FUT8: variants seen among roughly 807,000 people sequenced by gnomAD.
The protein encoded by FUT8 is alpha-(1,6)-fucosyltransferase.
Under a neutral mutation model 71.3 loss-of-function variants are expected in FUT8, and 29 were observed. That is an observed-to-expected ratio of 0.41 (90% CI 0.30 to 0.55). The LOEUF is 0.55. Ranked by LOEUF, FUT8 falls within the 20% of genes least tolerant of loss-of-function variation. FUT8 has a pLI of 0.34. For synonymous variants in FUT8, 254 were observed against 239.3 expected, an observed-to-expected ratio of 1.06 and a Z score of -0.57; for missense variants, 544 against 702.1, an observed-to-expected ratio of 0.77 and a Z score of 2.55.
the FUT8 span, among the ~76,000 whole-genome samples, chr14:65,395,782 G>T: frequency 6.6e-6 from 1 of 152,250 alleles, no homozygotes; most frequent in South Asian, 2.1e-4. Flanking sequence ...TCTGCAGCCA[G>T]CTTGAATTTC....
In FUT8 at chr14:65,483,216, CTG is replaced by C. The variant is rs1357253930; in HGVS notation, c.-228+27502_-228+27503del. Among the ~76,000 whole-genome samples the C allele has an allele frequency of 1.3e-5, 2 of 152,202 alleles. No individual in the cohort carries two copies. Among genetic ancestry groups the C allele is most frequent in the African/African-American group, 4.8e-5 (2 of 41,450 alleles). ...ACTTCCGTGCTATTCAGTGAGAGGA[CTG>C]TGTTCTCTCCAACAAGGTCTGGATC... On this transcript the variant is annotated intron_variant, in intron 2 of 10. Transcript: ENST00000673929. This position sits in a 1 kb window ranked among gnomAD's most constrained non-coding sequence, Gnocchi z 4.4.
chr14:65,714,596 T>C (rs535915389), intron 7 of FUT8, among the ~76,000 whole-genome samples: 1 of 150,346 alleles, frequency 6.7e-6, no homozygotes, highest in Non-Finnish European at 1.5e-5. Flanking sequence ...AGTTTTAGGA[T>C]TTTTTTTTTC....
intron 1 of FUT8, among the ~76,000 whole-genome samples, chr14:65,445,311 T>G (rs745914126): frequency 2.0e-5 from 3 of 152,242 alleles, no homozygotes; most frequent in Admixed American, 6.5e-5. Context: ...CATGAGTGTT[T>G]ACAGCCAGAA....
rs1052249531 is a variant in FUT8 at position 65,587,203 on chromosome 14, C to CA, written c.203+25445dup. Among the ~76,000 whole-genome samples, 318 of 145,936 alleles carry CA rather than the reference C, an allele frequency of 2.2e-3. 2 individuals carry two copies. Among genetic ancestry groups the CA allele is most frequent in the African/African-American group, 7.0e-3 (280 of 39,914 alleles). On this transcript the variant is annotated intron_variant, in intron 3 of 10. Transcript: ENST00000673929. Reference sequence around the variant, plus strand: ...GACTCTGTCTCAAAAAAAAAAAAAACAAAAAAAACTAATTTTTACAAAAAT... The same window carrying CA: ...GACTCTGTCTCAAAAAAAAAAAAAACAAAAAAAAACTAATTTTTACAAAAAT...
At position 65,562,596 on chromosome 14, in the gene FUT8, C is replaced by T. The variant is rs140612355; in HGVS notation, c.203+830C>T. 2.6e-5 allele frequency among the ~76,000 whole-genome samples: 4 copies of T among 152,038 alleles called. No homozygotes were observed. In the East Asian group the frequency reaches 5.8e-4, roughly 22 times the overall value. On this transcript the variant is annotated intron_variant, in intron 3 of 10. Coordinates refer to ENST00000673929, the MANE Select transcript of FUT8 (RefSeq NM_001371533.1). ...AAAACATTACCTAGTATCTTATATGCGAAGATGATCATGTAGTACTCACTC... is the reference window on the plus strand; with the variant it reads ...AAAACATTACCTAGTATCTTATATGTGAAGATGATCATGTAGTACTCACTC...
At chr14:65,680,753 C>G (rs1304313060) in intron 7 of FUT8, among the ~76,000 whole-genome samples, 2 of 152,176 alleles carry the variant, frequency 1.3e-5, no homozygotes, top group African/African-American at 2.4e-5. Context: ...TCTTTTTAAT[C>G]TGTCTTCCAC....
intron 7 of FUT8, among the ~76,000 whole-genome samples, chr14:65,720,186 T>C (rs1895341711): frequency 1.3e-5 from 2 of 152,162 alleles, no homozygotes; most frequent in Non-Finnish European, 1.5e-5. Flanking sequence ...TAAGGCAAAG[T>C]GCTTCCCACT....
At chr14:65,412,195 G>T (rs775545817), upstream of FUT8, 14 of 456,764 alleles carry the variant, frequency 3.1e-5, no homozygotes, top group African/African-American at 2.6e-4. Context: ...GGGCTTCGCT[G>T]AGTCTCCTGG....
intron 1 of FUT8, among the ~76,000 whole-genome samples, chr14:65,451,415 G>A (rs1478757304): frequency 6.6e-6 from 1 of 152,228 alleles, no homozygotes; most frequent in African/African-American, 2.4e-5. Flanking sequence ...GGGTGCCTGC[G>A]ACTATTGAAG....
At chr14:65,562,941 C>T (rs1885990863) in intron 3 of FUT8, among the ~76,000 whole-genome samples, 1 of 152,084 alleles carries the variant, frequency 6.6e-6, no homozygotes, top group Non-Finnish European at 1.5e-5. Context: ...CACTGCCCTT[C>T]ACTCTTTGTT....
intron 1 of FUT8, among the ~76,000 whole-genome samples, chr14:65,433,206 T>C (rs902226590): frequency 1.3e-5 from 2 of 152,110 alleles, no homozygotes; most frequent in Non-Finnish European, 2.9e-5. Context: ...TGCTTTTTTC[T>C]GTTTCATTTT....
chr14:65,711,238 A>C (rs1894800303), intron 7 of FUT8, among the ~76,000 whole-genome samples: 1 of 152,252 alleles, frequency 6.6e-6, no homozygotes, highest in South Asian at 2.1e-4. Context: ...CTCTGTCTTA[A>C]ATATGTGGGC....
intron 1 of FUT8, among the ~76,000 whole-genome samples, chr14:65,438,051 C>T (rs564048160): frequency 1.2e-4 from 18 of 152,188 alleles, no homozygotes; most frequent in African/African-American, 4.3e-4. Context: ...TTTTACTTCT[C>T]ATATGGGCTT....
At chr14:65,612,191 G>T (rs1889036241) in intron 3 of FUT8, among the ~76,000 whole-genome samples, 1 of 152,226 alleles carries the variant, frequency 6.6e-6, no homozygotes, top group South Asian at 2.1e-4. Flanking sequence ...TTTGTTACTA[G>T]AAGGTCTTGT....
chr14:65,504,095 T>C (rs1045035093), intron 2 of FUT8, among the ~76,000 whole-genome samples: 2 of 152,238 alleles, frequency 1.3e-5, no homozygotes, highest in Admixed American at 1.3e-4. Flanking sequence ...CTGTTTGAAT[T>C]TCTTACTTCT....
rs183598943 is a variant in FUT8, at chr14:65,565,121, A to G, written c.203+3355A>G. Among the ~76,000 whole-genome samples, 164 of 152,102 alleles carry G rather than the reference A, an allele frequency of 1.1e-3. 2 individuals carry two copies. The highest frequency in any genetic ancestry group is 9.9e-3 in the Admixed American group (151 of 15,222). ...TAAGCGTGTATAAAGAGATCACATG[A>G]TAAGAGAGGAAGCAAGACAGAAACC... On this transcript the variant is annotated intron_variant, in intron 3 of 10. Transcript: ENST00000673929.
rs146462383 is a variant in FUT8, at chr14:65,547,540, C to T, written c.-227-13797C>T. Reference sequence around the variant, plus strand: ...TGAGAAAAAATTTTATTTGTATTTACCCATATATTTAACATGTCTGTTTAA... The same window carrying T: ...TGAGAAAAAATTTTATTTGTATTTATCCATATATTTAACATGTCTGTTTAA... On this transcript the variant is annotated intron_variant, in intron 2 of 10. Transcript: ENST00000673929. 3.3e-3 allele frequency among the ~76,000 whole-genome samples: 495 copies of T among 151,684 alleles called. 3 individuals are homozygous for T. In the East Asian group the frequency reaches 0.035, roughly 11 times the overall value.
At chr14:65,383,280 T>C in the FUT8 span, among the ~76,000 whole-genome samples, 6 of 140,456 alleles carry the variant, frequency 4.3e-5, no homozygotes, top group East Asian at 2.0e-4. Context: ...TTTTTTTTTT[T>C]TTTTTTTTTT....
At chr14:65,367,701 A>G in the FUT8 span, among the ~76,000 whole-genome samples, 5 of 152,322 alleles carry the variant, frequency 3.3e-5, no homozygotes, top group South Asian at 6.2e-4. Context: ...AGAACACTAC[A>G]GGGAATTCGA....
Sources: gnomAD v4.1 joint callset for allele counts (sites outside exome capture counted in the v4.1 genomes callset) on GRCh38, gnomAD v4.1.1 for gene constraint, Gnocchi (gnomAD v3.1) non-coding constraint, MANE v1.5 for transcripts, NCBI Gene and HGNC (gene_info 2026-07-23, HGNC 2026-07-21) for gene names.